LZTS2: variants seen among roughly 807,000 people sequenced by gnomAD.
LZTS2 encodes the protein leucine zipper putative tumor suppressor 2.
LZTS2 carries 32 observed loss-of-function variants against 60.6 expected under a neutral mutation model. The observed-to-expected ratio is 0.53, with a 90% CI of 0.40 to 0.71. The LOEUF is 0.71. Among genes scored for constraint, LZTS2 ranks in the 30% least tolerant of loss-of-function variants. LZTS2 has a pLI of 0.00. For missense variants in LZTS2, 792 were observed against 901.9 expected (o/e 0.88, Z 1.56); for synonymous variants, 360 against 393.1 (o/e 0.92, Z 1.00).
exon 4 of LZTS2, chr10:101,007,621 G>A (rs1412410390): frequency 1.6e-6 from 2 of 1,249,532 alleles, no homozygotes; most frequent in Non-Finnish European, 2.1e-6. Context: ...TCGGTTCCCA[G>A]GTTTGAGCTC....
At chr10:101,007,723 C>T in exon 4 of LZTS2, 2 of 937,368 alleles carry the variant, frequency 2.1e-6, no homozygotes, top group Non-Finnish European at 2.6e-6. Context: ...ACCAAGCAGC[C>T]TCTCCCTTCA....
At chr10:101,007,793 A>C in exon 4 of LZTS2, 2 of 415,190 alleles carry the variant, frequency 4.8e-6, no homozygotes, top group African/African-American at 2.2e-5. Flanking sequence ...TTCTTGTACA[A>C]ACCCAAAGAA....
chr10:101,006,116 C>T (rs1852183054), intron 3 of LZTS2, among the ~76,000 whole-genome samples: 1 of 152,216 alleles, frequency 6.6e-6, no homozygotes, highest in Non-Finnish European at 1.5e-5. Context: ...TATCTGAGCT[C>T]TTAACTAGGT....
chr10:101,007,364 C>T lies in LZTS2; in HGVS notation c.*196C>T, dbSNP rs1590041120. ...CTTGGAGGAGCAAGATCAGACCGCT[C>T]AAAGGTCCCCGTGTTCACTGTTACC... On this transcript the variant is annotated 3_prime_UTR_variant, in exon 4 of 4. Transcript: ENST00000370220. The T allele has an allele frequency of 1.1e-5, 16 of 1,417,638 alleles. 1 individual carries two copies. The highest frequency in any genetic ancestry group is 4.2e-4 in the Middle Eastern group (2 of 4,784). 87.8% of individuals were successfully genotyped at this position (1,417,638 alleles called of 1,614,324 possible).
At chr10:101,002,802 C>T (rs1006707778) in exon 1 of LZTS2, 7 of 1,613,784 alleles carry the variant, frequency 4.3e-6, no homozygotes, top group Admixed American at 1.7e-5. Flanking sequence ...TCACCAGCTT[C>T]ACCTACATCA....
exon 1 of LZTS2, chr10:101,002,891 C>T (rs556549474): frequency 9.9e-6 from 16 of 1,613,642 alleles, no homozygotes; most frequent in African/African-American, 4.0e-5. Context: ...GCACACAATG[C>T]CCACCTCCGC....
At chr10:101,005,347 G>C (rs974734436) in intron 2 of LZTS2, 111 bp from the exon 4 acceptor site, 2 of 1,243,134 alleles carry the variant, frequency 1.6e-6, no homozygotes, top group Admixed American at 5.7e-5. Context: ...TACTATTGTT[G>C]TTTAATGGAA....
In LZTS2 at chr10:101,002,519, A is replaced by G. The variant is rs200407243; in HGVS notation, c.-20A>G. On this transcript the variant is annotated 5_prime_UTR_variant, in exon 1 of 4. Coordinates refer to ENST00000370220, the Ensembl canonical transcript of LZTS2. Reference sequence around the variant, plus strand: ...CAGGTCGCCTGCGAGGCCGCTGGCCAGGCCTGAGCCTCTGCCACCATGGCC... The same window carrying G: ...CAGGTCGCCTGCGAGGCCGCTGGCCGGGCCTGAGCCTCTGCCACCATGGCC... The G allele has an allele frequency of 3.1e-4, 469 of 1,502,524 alleles. 4 individuals are homozygous for G. In the African/African-American group the frequency reaches 5.4e-3, roughly 17 times the overall value. The allele number at this position is 1,502,524 out of a possible 1,614,324, so 93.1% of individuals were successfully genotyped here. A position where few individuals can be genotyped will look rare whatever the true frequency, so the allele number is the denominator to read the frequency against.
chr10:101,007,592 G>C, exon 4 of LZTS2: 1 of 1,288,508 alleles, frequency 7.8e-7, no homozygotes, highest in Non-Finnish European at 1.0e-6. Flanking sequence ...CACATTGGGG[G>C]ACAGGGCCGG....
At chr10:100,998,808 C>G (rs1350041458), upstream of LZTS2, 2 of 152,426 alleles carry the variant, frequency 1.3e-5, no homozygotes, top group Non-Finnish European at 2.9e-5. Context: ...GTGCGAAGGA[C>G]TGCGGATTGT....
At chr10:101,003,045 C>G (rs1351452145) in intron 1 of LZTS2, 99 bp downstream of exon 2, 2 of 1,380,186 alleles carry the variant, frequency 1.4e-6, no homozygotes, top group African/African-American at 2.9e-5. Context: ...GTGTGGGCTC[C>G]AGATTCACCA....
chr10:100,999,732 C>G (rs1350119258), exon 1 of LZTS2: 1 of 151,884 alleles, frequency 6.6e-6, no homozygotes, highest in East Asian at 1.9e-4. Flanking sequence ...GCCCCTCGGA[C>G]CCTCCCCTGC....
chr10:101,006,983 C>T lies in LZTS2; in HGVS notation c.1825C>T (p.Gln609Ter). ...GCTGGCCTGGCAGGCAGAGAAGGAG[C>T]AGGTGATCCGCTACCAGAAGCAGCT... Residue 609 changes from glutamine to a stop codon, truncating the protein, a stop_gained, in exon 4 of 4, where the codon CAG (glutamine) becomes TAG (stop). Coordinates refer to ENST00000370220, the Ensembl canonical transcript of LZTS2. LOFTEE classifies it high-confidence loss of function. 6.4e-7 allele frequency: 1 copy of T among 1,554,760 alleles called. No individual in the cohort carries two copies. Among genetic ancestry groups the T allele is most frequent in the Non-Finnish European group, 8.7e-7 (1 of 1,149,456 alleles).
exon 4 of LZTS2, chr10:101,006,974 G>A: frequency 1.9e-6 from 3 of 1,551,468 alleles, no homozygotes; most frequent in Non-Finnish European, 2.6e-6. Context: ...CTGGCAGGCA[G>A]AGAAGGAGCA....
chr10:101,003,518 G>T, exon 2 of LZTS2: 1 of 1,516,726 alleles, frequency 6.6e-7, no homozygotes, highest in Non-Finnish European at 8.8e-7. Flanking sequence ...ACATGGAGAA[G>T]ATCCTGATCC....
chr10:101,001,493 C>CT (rs1852039198), exon 1 of LZTS2: 1 of 152,290 alleles, frequency 6.6e-6, no homozygotes, highest in African/African-American at 2.4e-5. Context: ...GTGCAATTCT[C>CT]TGTCCACTTC....
exon 1 of LZTS2, chr10:101,000,764 CTCTA>C (rs1852018374): frequency 6.6e-6 from 1 of 152,318 alleles, no homozygotes; most frequent in Non-Finnish European, 1.5e-5. Flanking sequence ...GGAGGGGGTT[CTCTA>C]TCTGCTCTGC....
At chr10:100,998,574 C>T (rs1357501132), upstream of LZTS2, 1 of 152,196 alleles carries the variant, frequency 6.6e-6, no homozygotes, top group Non-Finnish European at 1.5e-5. Context: ...AGGCCTTGGC[C>T]CTGCGGGGGA....
rs528059832 is a variant in LZTS2, at chr10:101,006,361, T to A, written c.1327-124T>A. 4 of 1,437,054 alleles carry A rather than the reference T, an allele frequency of 2.8e-6. No homozygotes were observed. The South Asian group carries it at 5.9e-5, about 21-fold the overall frequency. 89.0% of individuals were successfully genotyped at this position (1,437,054 alleles called of 1,614,324 possible). ...ACATGTCACTAGACTTGCTTTAGTG[T>A]CTCCATCTGTAAAATGGGGATAAAG... On this transcript the variant is annotated intron_variant, in intron 3 of 3. Coordinates refer to ENST00000370220, the Ensembl canonical transcript of LZTS2.
Sources: allele counts gnomAD v4.1 joint callset (sites outside exome capture counted in the v4.1 genomes callset), GRCh38; gene constraint gnomAD v4.1.1; transcripts MANE v1.5; gene names NCBI Gene and HGNC (gene_info 2026-07-23, HGNC 2026-07-21).